The following EMSY variants were observed in gnomAD, a reference collection of about 807,000 sequenced individuals.
EMSY encodes EMSY transcriptional repressor, BRCA2 interacting.
EMSY carries 26 observed loss-of-function variants against 134.6 expected under a neutral mutation model. That is an observed-to-expected ratio of 0.19 (90% confidence interval 0.14 to 0.27). EMSY has a LOEUF of 0.27. EMSY is among the 10% of genes least tolerant of loss of function. The pLI, the probability that EMSY is intolerant of heterozygous loss-of-function variation, is 1.00. For synonymous variants in EMSY, 579 were observed against 577.8 expected (o/e 1.00, Z -0.03); for missense variants, 1,305 against 1,611.4 (o/e 0.81, Z 3.26).
chr11:76,463,058 G>A (rs1206335945), intron 6 of EMSY, among the ~76,000 whole-genome samples: 1 of 152,226 alleles, frequency 6.6e-6, no homozygotes, highest in African/African-American at 2.4e-5. Flanking sequence ...GCTCACGCCT[G>A]TAATCCCAGC....
intron 20 of EMSY, among the ~76,000 whole-genome samples, chr11:76,548,985 T>C (rs571873958): frequency 1.1e-4 from 16 of 152,378 alleles, no homozygotes; most frequent in African/African-American, 3.6e-4. Flanking sequence ...ATCTGTGCTC[T>C]GTCCACGTTC....
At chr11:76,472,466 T>C (rs1376641875) in intron 7 of EMSY, 98 bp from the exon 9 acceptor site, 1 of 1,193,616 alleles carries the variant, frequency 8.4e-7, no homozygotes. Flanking sequence ...TTCTTCGTTT[T>C]TCATAAGCTA....
chr11:76,496,138 A>T, intron 8 of EMSY, 77 bp from the exon 10 acceptor site: 1 of 1,437,948 alleles, frequency 7.0e-7, no homozygotes, highest in Non-Finnish European at 9.4e-7. Flanking sequence ...TTAAACTATT[A>T]TCTACTATAA....
intron 8 of EMSY, among the ~76,000 whole-genome samples, chr11:76,490,361 G>A (rs187054875): frequency 1.1e-4 from 16 of 152,204 alleles, no homozygotes; most frequent in Non-Finnish European, 1.0e-4. Context: ...GGTGCCAGTA[G>A]CATATGCCCC....
intron 8 of EMSY, among the ~76,000 whole-genome samples, chr11:76,482,100 G>T (rs1565301471): frequency 6.6e-6 from 1 of 152,136 alleles, no homozygotes; most frequent in Non-Finnish European, 1.5e-5. Context: ...TGATACCCAG[G>T]CAAACAGGGT....
chr11:76,452,128 A>G (rs1173853984), intron 3 of EMSY, among the ~76,000 whole-genome samples, 171 bp downstream of exon 3: 4 of 152,366 alleles, frequency 2.6e-5, no homozygotes, highest in South Asian at 2.1e-4. Flanking sequence ...AGAAAATTGT[A>G]TAATTTACCA....
At chr11:76,504,326 T>C (rs548186254) in intron 9 of EMSY, among the ~76,000 whole-genome samples, 1 of 150,488 alleles carries the variant, frequency 6.6e-6, no homozygotes, top group African/African-American at 2.4e-5. Flanking sequence ...CTCTTATAAC[T>C]CAATGGTAAA....
intron 7 of EMSY, among the ~76,000 whole-genome samples, chr11:76,469,504 C>CATTTTCAGATTGATTTGATGTATA (rs1378824718): frequency 6.6e-5 from 10 of 152,146 alleles, no homozygotes; most frequent in Non-Finnish European, 1.5e-4. Flanking sequence ...TATTGAAATG[C>CATTTTCAGATTGATTTGATGTATA]ATTTTCAGAT....
chr11:76,467,727 C>T (rs1398123932), intron 7 of EMSY, among the ~76,000 whole-genome samples: 1 of 152,268 alleles, frequency 6.6e-6, no homozygotes, highest in African/African-American at 2.4e-5. Context: ...TGTGGTGGCT[C>T]ACACCTGTAA....
At chr11:76,456,990 T>C (rs2134984359) in intron 4 of EMSY, among the ~76,000 whole-genome samples, 1 of 152,252 alleles carries the variant, frequency 6.6e-6, no homozygotes, top group East Asian at 1.9e-4. Context: ...TTGCGTGACC[T>C]TAGGCAAGTT....
At chr11:76,495,236 CT>C (rs1254830080) in intron 8 of EMSY, among the ~76,000 whole-genome samples, 3 of 152,174 alleles carry the variant, frequency 2.0e-5, no homozygotes, top group African/African-American at 7.2e-5. Flanking sequence ...AAAACCTTTT[CT>C]GTAATACAGT....
At chr11:76,492,629 G>A (rs908319835) in intron 8 of EMSY, among the ~76,000 whole-genome samples, 11 of 152,192 alleles carry the variant, frequency 7.2e-5, no homozygotes, top group Non-Finnish European at 1.2e-4. Context: ...ATGCTGCAGT[G>A]GGGGAGGCAT....
chr11:76,513,756 A>G (rs1182425527), intron 10 of EMSY, among the ~76,000 whole-genome samples: 2 of 151,818 alleles, frequency 1.3e-5, no homozygotes, highest in East Asian at 1.9e-4. Flanking sequence ...AGCACTTCCC[A>G]TAATTTCTTA....
rs376092909 is a variant in EMSY, at chr11:76,506,975, GTACTT to G, written c.1364-6408_1364-6404del. Among the ~76,000 whole-genome samples the G allele has an allele frequency of 5.3e-4, 80 of 152,244 alleles. 2 individuals are homozygous for G. Among genetic ancestry groups the G allele is most frequent in the Middle Eastern group, 3.4e-3 (1 of 294 alleles). On this transcript the variant is annotated intron_variant, in intron 9 of 20. Coordinates refer to ENST00000334736, the Ensembl canonical transcript of EMSY. ...TCATTACATAAATTACGATTCTGGC[GTACTT>G]TATAGAGTTTACAGGTTCAGTTCCA...
chr11:76,479,750 A>G (rs1414223329), intron 8 of EMSY, among the ~76,000 whole-genome samples: 1 of 152,230 alleles, frequency 6.6e-6, no homozygotes, highest in Non-Finnish European at 1.5e-5. Context: ...GAAGAAACAA[A>G]AGGATAAGCT....
At chr11:76,507,202 G>T (rs895785691) in intron 9 of EMSY, among the ~76,000 whole-genome samples, 5 of 152,228 alleles carry the variant, frequency 3.3e-5, no homozygotes, top group Non-Finnish European at 7.3e-5. Context: ...AGCCTTCAGA[G>T]AGGTGTAATC....
intron 20 of EMSY, among the ~76,000 whole-genome samples, chr11:76,549,261 A>C (rs1951760777): frequency 1.3e-5 from 2 of 152,206 alleles, no homozygotes; most frequent in Non-Finnish European, 2.9e-5. Context: ...TGAGTTTGGC[A>C]TGAGGCTGGT....
chr11:76,507,988 C>G (rs1171130139), intron 9 of EMSY, among the ~76,000 whole-genome samples: 1 of 151,898 alleles, frequency 6.6e-6, no homozygotes, highest in African/African-American at 2.4e-5. Context: ...CTCAGCCTCC[C>G]AAGTAGCTGA....
At chr11:76,551,127 A>G (rs993551937) in exon 21 of EMSY, 4 of 152,756 alleles carry the variant, frequency 2.6e-5, no homozygotes, top group African/African-American at 9.7e-5. Flanking sequence ...TGAAATGTAT[A>G]AAAAGTTCAT....
Sources: allele counts gnomAD v4.1 joint callset (sites outside exome capture counted in the v4.1 genomes callset), GRCh38; gene constraint gnomAD v4.1.1; transcripts MANE v1.5; gene names NCBI Gene and HGNC (gene_info 2026-07-23, HGNC 2026-07-21).